The following CFAP47 variants were observed in gnomAD, a reference collection of about 807,000 sequenced individuals.
CFAP47 encodes the protein cilia- and flagella-associated protein 47.
In CFAP47, 29 loss-of-function variants were observed where a neutral mutation model predicts 148.1. That is an observed-to-expected ratio of 0.20 (90% CI 0.15 to 0.27). The LOEUF (loss-of-function observed/expected upper bound fraction) is 0.27, where lower values mean the gene tolerates loss of function less well. Among genes scored for constraint, CFAP47 ranks in the 10% least tolerant of loss-of-function variants. The probability of loss-of-function intolerance (pLI) is 1.00; values close to 1 mark genes in which losing one functional copy is unlikely to be tolerated. For synonymous variants in CFAP47, 664 were observed against 577.3 expected (o/e 1.15, Z -2.15); for missense variants, 1,872 against 1,697.5 (o/e 1.10, Z -1.81).
intron 36 of CFAP47, among the ~76,000 whole-genome samples, chrX:36,146,778 C>CTTTTTTT (rs568139660): frequency 3.4e-5 from 3 of 87,787 alleles, no homozygotes; most frequent in African/African-American, 4.5e-5. Flanking sequence ...TATTTCTTTT[C>CTTTTTTT]TTTTTTTTTT....
chrX:36,120,152 C>T (rs113348052), intron 33 of CFAP47, among the ~76,000 whole-genome samples: 4,663 of 108,064 alleles, frequency 0.043, 276 homozygotes, highest in African/African-American at 0.15. Flanking sequence ...CAGGTGCCTG[C>T]CACCACACCC....
intron 56 of CFAP47, among the ~76,000 whole-genome samples, chrX:36,315,625 C>T (rs1255810351): frequency 5.4e-5 from 6 of 112,059 alleles, no homozygotes; most frequent in African/African-American, 1.9e-4. Context: ...TGTCCAGCTA[C>T]CAACACCTGT....
chrX:36,176,104 A>G (rs1428218236), intron 39 of CFAP47, among the ~76,000 whole-genome samples: 2 of 112,896 alleles, frequency 1.8e-5, no homozygotes, highest in Middle Eastern at 4.2e-3. Context: ...TAGGAAAGGG[A>G]ACTCCCTGAC....
intron 62 of CFAP47, among the ~76,000 whole-genome samples, chrX:36,374,107 A>G (rs1385823289): frequency 4.5e-5 from 5 of 110,915 alleles, no homozygotes; most frequent in African/African-American, 1.6e-4. Flanking sequence ...GGAAGAGTTT[A>G]ATAAGGACTG....
chrX:36,136,811 A>T (rs1032767632), intron 33 of CFAP47, among the ~76,000 whole-genome samples: 10 of 111,890 alleles, frequency 8.9e-5, no homozygotes, highest in Non-Finnish European at 1.3e-4. Flanking sequence ...TAAAATCATT[A>T]ATTCGATTAC....
intron 46 of CFAP47, among the ~76,000 whole-genome samples, chrX:36,230,427 C>A (rs1393107843): frequency 9.2e-6 from 1 of 108,897 alleles, no homozygotes; most frequent in Non-Finnish European, 1.9e-5. Flanking sequence ...AGTGTCTGTT[C>A]ACGTCCTTCA....
intron 26 of CFAP47, among the ~76,000 whole-genome samples, chrX:36,052,572 A>G (rs1051056817): frequency 4.5e-5 from 5 of 112,123 alleles, no homozygotes; most frequent in Non-Finnish European, 3.8e-5. Context: ...TGAGAAATAT[A>G]TTTTTAAATA....
chrX:36,055,025 G>A (rs1245870682), intron 26 of CFAP47, among the ~76,000 whole-genome samples: 1 of 108,259 alleles, frequency 9.2e-6, no homozygotes, highest in African/African-American at 3.4e-5. Flanking sequence ...ACCCGCCTCG[G>A]CCTCCCAAAG....
intron 39 of CFAP47, among the ~76,000 whole-genome samples, chrX:36,178,772 G>A (rs1328881923): frequency 9.0e-6 from 1 of 111,600 alleles, no homozygotes; most frequent in Non-Finnish European, 1.9e-5. Context: ...AAAAATGTTT[G>A]TGTTTCCAGA....
intron 36 of CFAP47, among the ~76,000 whole-genome samples, chrX:36,146,784 T>C (rs995922203): frequency 9.5e-6 from 1 of 105,479 alleles, no homozygotes; most frequent in Non-Finnish European, 2.0e-5. Flanking sequence ...TTTTCTTTTT[T>C]TTTTTTTTTT....
intron 21 of CFAP47, among the ~76,000 whole-genome samples, chrX:36,009,332 G>A (rs748502311): frequency 5.7e-4 from 63 of 111,000 alleles, no homozygotes; most frequent in African/African-American, 2.0e-3. Flanking sequence ...AAGAAAAAAA[G>A]CAGATGAACC....
chrX:35,962,084 A>G (rs1432001632), intron 8 of CFAP47, among the ~76,000 whole-genome samples: 8 of 111,429 alleles, frequency 7.2e-5, no homozygotes. Context: ...TCTATTGGTT[A>G]TTTAGACATG....
rs770757091 is a variant in CFAP47, at chrX:36,119,707, G to A, written c.5320+15016G>A. Among the ~76,000 whole-genome samples, 8 of 111,620 alleles carry A rather than the reference G, an allele frequency of 7.2e-5. 2 individuals carry two copies. In the East Asian group the frequency reaches 2.3e-3, roughly 32 times the overall value. On this transcript the variant is annotated intron_variant, in intron 33 of 63. Coordinates refer to ENST00000378653, the MANE Select transcript of CFAP47 (RefSeq NM_001304548.2). ...GGTTCTGGGCTTTTCAATACTGGGA[G>A]ACTTTTTATTATGGCTTCATTCATG...
chrX:36,156,744 A>G (rs1939372366), intron 37 of CFAP47, among the ~76,000 whole-genome samples: 1 of 111,396 alleles, frequency 9.0e-6, no homozygotes, highest in Non-Finnish European at 1.9e-5. Context: ...AACTTACTCT[A>G]AGTAGACTAC....
chrX:35,941,606 T>C (rs1936010995), intron 3 of CFAP47, among the ~76,000 whole-genome samples: 1 of 111,486 alleles, frequency 9.0e-6, no homozygotes, highest in Non-Finnish European at 1.9e-5. Context: ...ATGATCCTGA[T>C]TAATACAGTC....
intron 33 of CFAP47, among the ~76,000 whole-genome samples, chrX:36,118,766 G>T (rs1038204384): frequency 8.9e-6 from 1 of 111,744 alleles, no homozygotes; most frequent in African/African-American, 3.3e-5. Flanking sequence ...GAGCCACCGC[G>T]CCCATGCTAG....
At chrX:35,923,152 C>T (rs1017866757) in intron 1 of CFAP47, among the ~76,000 whole-genome samples, 1 of 110,997 alleles carries the variant, frequency 9.0e-6, no homozygotes, top group Admixed American at 9.7e-5. Flanking sequence ...GAGAGGGACT[C>T]TTTCTAGTTG....
chrX:36,000,833 C>G (rs758206702), intron 20 of CFAP47, among the ~76,000 whole-genome samples: 4 of 111,491 alleles, frequency 3.6e-5, no homozygotes, highest in African/African-American at 9.7e-5. Context: ...TAGATTTAAA[C>G]AAAATACGCA....
chrX:36,097,048 C>G (rs1258641984), intron 30 of CFAP47, among the ~76,000 whole-genome samples: 1 of 110,731 alleles, frequency 9.0e-6, no homozygotes, highest in Non-Finnish European at 1.9e-5. Flanking sequence ...TATCTTATAA[C>G]CCATTATTTT....
Sources: gnomAD v4.1 joint callset for allele counts (sites outside exome capture counted in the v4.1 genomes callset) on GRCh38, gnomAD v4.1.1 for gene constraint, MANE v1.5 for transcripts, NCBI Gene and HGNC (gene_info 2026-07-23, HGNC 2026-07-21) for gene names.